Variants in MUSK observed in about 807,000 individuals in gnomAD.
The protein encoded by MUSK is muscle, skeletal receptor tyrosine-protein kinase.
Under a neutral mutation model 88.7 loss-of-function variants are expected in MUSK, and 55 were observed. That is an observed-to-expected ratio of 0.62 (90% confidence interval 0.50 to 0.78). MUSK has a LOEUF of 0.78. MUSK is among the 30% of genes least tolerant of loss of function. MUSK has a pLI of 0.00. For synonymous variants in MUSK, 387 were observed against 391.9 expected, an observed-to-expected ratio of 0.99 and a Z score of 0.15; for missense variants, 1,015 against 1,074.3, an observed-to-expected ratio of 0.94 and a Z score of 0.77.
chr9:110,721,197 T>G (rs527371597), intron 5 of MUSK, among the ~76,000 whole-genome samples: 1 of 152,168 alleles, frequency 6.6e-6, no homozygotes, highest in South Asian at 2.1e-4. Context: ...GGATGCCCAC[T>G]TTCACCACTT....
At chr9:110,706,824 T>G (rs2076605437) in intron 5 of MUSK, among the ~76,000 whole-genome samples, 1 of 151,944 alleles carries the variant, frequency 6.6e-6, no homozygotes, top group Non-Finnish European at 1.5e-5. Context: ...GGCAACATGG[T>G]GAAGCCACGT....
intron 9 of MUSK, among the ~76,000 whole-genome samples, chr9:110,773,812 A>G (rs1207942618): frequency 6.6e-6 from 1 of 152,174 alleles, no homozygotes; most frequent in Admixed American, 6.5e-5. Flanking sequence ...AAAGAGGAAG[A>G]AGAAAGCAAT....
intron 2 of MUSK, among the ~76,000 whole-genome samples, chr9:110,685,543 A>G (rs949787863): frequency 6.6e-6 from 1 of 152,150 alleles, no homozygotes; most frequent in Non-Finnish European, 1.5e-5. Context: ...ATCTGAGTTC[A>G]TCATTCACAA....
chr9:110,701,650 C>CTATATTT lies in MUSK; in HGVS notation c.628+4187_628+4188insATTTTAT, dbSNP rs1288578009. On this transcript the variant is annotated intron_variant, in intron 5 of 14. Transcript: ENST00000374448. ...TACAGGTGTGCACTACTGTGCTCAG[C>CTATATTT]TATTTATTTTATTTATTTTATTTTA... 1.2e-3 allele frequency among the ~76,000 whole-genome samples: 16 copies of CTATATTT among 13,532 alleles called. 3 individuals carry two copies. The highest frequency in any genetic ancestry group is 1.8e-3 in the Non-Finnish European group (13 of 7,358). The allele number at this position is 13,532 out of a possible 152,430, so 8.9% of individuals were successfully genotyped here. A position where few individuals can be genotyped will look rare whatever the true frequency, so the allele number is the denominator to read the frequency against.
chr9:110,707,369 A>G (rs937495024), intron 5 of MUSK, among the ~76,000 whole-genome samples: 2 of 152,272 alleles, frequency 1.3e-5, no homozygotes, highest in Admixed American at 6.5e-5. Flanking sequence ...TTCCCCTCAC[A>G]TTCTCTGCCT....
intron 14 of MUSK, chr9:110,788,116 A>G (rs2077906736): frequency 2.6e-6 from 1 of 389,078 alleles, no homozygotes; most frequent in Non-Finnish European, 4.7e-6. Context: ...AAAAATTAAT[A>G]CTGCTTCTCC....
At chr9:110,797,271 C>T (rs759702473) in intron 14 of MUSK, among the ~76,000 whole-genome samples, 2 of 134,684 alleles carry the variant, frequency 1.5e-5, no homozygotes, top group Non-Finnish European at 3.2e-5. Context: ...ATAAATAATT[C>T]ACAAATAAAA....
intron 7 of MUSK, among the ~76,000 whole-genome samples, chr9:110,759,152 G>T (rs956861574): frequency 6.6e-6 from 1 of 152,148 alleles, no homozygotes; most frequent in Admixed American, 6.5e-5. Context: ...CACTGGAAGA[G>T]AATAGAGAGC....
intron 7 of MUSK, among the ~76,000 whole-genome samples, chr9:110,754,680 A>G (rs976900942): frequency 1.3e-5 from 2 of 152,200 alleles, no homozygotes; most frequent in African/African-American, 2.4e-5. Flanking sequence ...CTCAGCTGCT[A>G]TTAGAATCTG....
At chr9:110,758,141 T>G (rs1196676418) in intron 7 of MUSK, among the ~76,000 whole-genome samples, 1 of 152,078 alleles carries the variant, frequency 6.6e-6, no homozygotes, top group East Asian at 1.9e-4. Flanking sequence ...TTTTTGTATT[T>G]TTTGTAAAGA....
rs575921182 is a variant in MUSK at position 110,805,665 on chromosome 9, G to A, written c.*4677G>A. Among the ~76,000 whole-genome samples, 16 of 151,830 alleles carry A rather than the reference G, an allele frequency of 1.1e-4. No homozygotes were observed. Among genetic ancestry groups the A allele is most frequent in the East Asian group, 5.8e-4 (3 of 5,172 alleles). On this transcript the variant is annotated 3_prime_UTR_variant, in exon 15 of 15. Coordinates refer to ENST00000374448, the MANE Select transcript of MUSK (RefSeq NM_005592.4). ...ATCAGAAAAGAATGTTGACTTTTCCGTCCATTCAGATGATTGTGGCTTTTT... is the reference window on the plus strand; with the variant it reads ...ATCAGAAAAGAATGTTGACTTTTCCATCCATTCAGATGATTGTGGCTTTTT...
intron 6 of MUSK, among the ~76,000 whole-genome samples, chr9:110,742,476 T>C (rs143363358): frequency 1.3e-3 from 196 of 151,870 alleles, no homozygotes; most frequent in African/African-American, 4.6e-3. Flanking sequence ...CAAAATAAAA[T>C]TGGGAGACTG....
chr9:110,669,784 A>G (rs1392289681), intron 1 of MUSK, among the ~76,000 whole-genome samples: 1 of 152,228 alleles, frequency 6.6e-6, no homozygotes, highest in Non-Finnish European at 1.5e-5. Flanking sequence ...GACTAAGGGT[A>G]TCACTGAAAT....
At chr9:110,714,630 C>A (rs940552650) in intron 5 of MUSK, among the ~76,000 whole-genome samples, 34 of 152,146 alleles carry the variant, frequency 2.2e-4, no homozygotes, top group Non-Finnish European at 3.2e-4. Flanking sequence ...AAAGAGAAAC[C>A]AGGTATTTAT....
In MUSK at chr9:110,767,846, A is replaced by G. The variant is rs2077507749; in HGVS notation, c.947A>G (p.Tyr316Cys). The change falls in exon 9 of 15, where the codon TAC becomes TGC. Residue 316 changes from tyrosine to cysteine, a missense_variant. By Grantham distance (194) the Tyr-to-Cys change is radical (BLOSUM62 -2). Transcript: ENST00000374448. The part of the protein sequence containing the change: ...WSKPQKDNKG[Y>C]CAQYRGEVCN... ...AAACCACAGAAAGATAACAAAGGCTACTGCGCCCAGTACAGAGGGGAGGTG... is the reference window on the plus strand; with the variant it reads ...AAACCACAGAAAGATAACAAAGGCTGCTGCGCCCAGTACAGAGGGGAGGTG... 1 of 1,613,914 alleles carries G rather than the reference A, an allele frequency of 6.2e-7. No homozygotes were observed. The highest frequency in any genetic ancestry group is 1.7e-5 in the Admixed American group (1 of 60,004).
intron 3 of MUSK, among the ~76,000 whole-genome samples, chr9:110,689,718 T>TAAATATATAACTATATATA (rs370720549): frequency 1.9e-5 from 1 of 51,662 alleles, no homozygotes; most frequent in Non-Finnish European, 2.9e-5. Context: ...TAACTATATA[T>TAAATATATAACTATATATA]GTTATATATA....
chr9:110,770,699 T>C (rs1233087154), intron 9 of MUSK, among the ~76,000 whole-genome samples: 1 of 151,254 alleles, frequency 6.6e-6, no homozygotes, highest in African/African-American at 2.4e-5. Flanking sequence ...ATTCTTTTTA[T>C]GTAGATCTTG....
rs1430928053 is a variant in MUSK, at chr9:110,804,465, G to T, written c.*3477G>T. Among the ~76,000 whole-genome samples the T allele has an allele frequency of 3.3e-5, 5 of 151,976 alleles. No homozygotes were observed. In the East Asian group the frequency reaches 9.6e-4, roughly 29 times the overall value. On this transcript the variant is annotated 3_prime_UTR_variant, in exon 15 of 15. Coordinates refer to ENST00000374448, the MANE Select transcript of MUSK (RefSeq NM_005592.4). ...TTGTCTCTTTGGTTATAGAAAAAGA[G>T]AACCTCTTTTTAATTTTATTTTTTA...
At chr9:110,708,547 T>A (rs1169625061) in intron 5 of MUSK, among the ~76,000 whole-genome samples, 1 of 152,148 alleles carries the variant, frequency 6.6e-6, no homozygotes, top group East Asian at 1.9e-4. Flanking sequence ...CTGGAGGCTA[T>A]CATTGGGAAA....
Sources: allele counts gnomAD v4.1 joint callset (sites outside exome capture counted in the v4.1 genomes callset), GRCh38; gene constraint gnomAD v4.1.1; transcripts MANE v1.5; gene names NCBI Gene and HGNC (gene_info 2026-07-23, HGNC 2026-07-21).